Variants in DIXDC1 observed in about 807,000 individuals in gnomAD.
The protein encoded by DIXDC1 is dixin.
DIXDC1 carries 64 observed loss-of-function variants against 103.1 expected under a neutral mutation model. That is an observed-to-expected ratio of 0.62 (90% CI 0.51 to 0.76). The LOEUF (loss-of-function observed/expected upper bound fraction) is 0.76, where lower values mean the gene tolerates loss of function less well. DIXDC1 is among the 30% of genes least tolerant of loss of function. The pLI is 0.00. For missense variants in DIXDC1, 759 were observed against 834.2 expected (o/e 0.91, Z 1.11); for synonymous variants, 266 against 298.5 (o/e 0.89, Z 1.12).
chr11:111,989,889 T>C (rs1394035789), intron 10 of DIXDC1, among the ~76,000 whole-genome samples: 34 of 134,830 alleles, frequency 2.5e-4, no homozygotes, highest in Non-Finnish European at 3.8e-4. Flanking sequence ...CCTGGGTTCA[T>C]GCCATTCTCC....
intron 2 of DIXDC1, among the ~76,000 whole-genome samples, chr11:111,966,214 T>G (rs1284464432): frequency 5.1e-4 from 65 of 128,604 alleles, no homozygotes; most frequent in Middle Eastern, 3.8e-3. Flanking sequence ...GGGGTTTTTT[T>G]TTTTTTTTTT....
intron 1 of DIXDC1, among the ~76,000 whole-genome samples, chr11:111,960,407 A>AGTAG (rs1555170984): frequency 3.3e-5 from 5 of 150,952 alleles, no homozygotes; most frequent in Non-Finnish European, 5.9e-5. Flanking sequence ...CAGCCTGGCT[A>AGTAG]ACATGGTGAA....
At chr11:111,940,742 T>G (rs886637518) in intron 1 of DIXDC1, among the ~76,000 whole-genome samples, 1 of 152,126 alleles carries the variant, frequency 6.6e-6, no homozygotes, top group Non-Finnish European at 1.5e-5. Flanking sequence ...TAGGGAGAGA[T>G]AGGGTGTACT....
At chr11:111,960,331 C>T (rs1439723654) in intron 1 of DIXDC1, among the ~76,000 whole-genome samples, 1 of 151,748 alleles carries the variant, frequency 6.6e-6, no homozygotes, top group Non-Finnish European at 1.5e-5. Flanking sequence ...CGCAGTGGCT[C>T]ACGCCTGTAA....
chr11:111,975,209 C>A (rs3809033), intron 5 of DIXDC1: 477,719 of 1,331,056 alleles, frequency 0.36, 88,485 homozygotes, highest in East Asian at 0.57. Context: ...TCTGTGCAGT[C>A]CCAGTGCCAG....
chr11:111,973,901 A>T (rs1275460336), intron 3 of DIXDC1, 122 bp from the exon 4 acceptor site: 2 of 843,584 alleles, frequency 2.4e-6, no homozygotes, highest in East Asian at 5.3e-5. Flanking sequence ...GAGGACTGAG[A>T]CCCTGACTGC....
intron 1 of DIXDC1, among the ~76,000 whole-genome samples, chr11:111,939,063 G>GT (rs1555168553): frequency 6.6e-6 from 1 of 152,192 alleles, no homozygotes; most frequent in East Asian, 1.9e-4. Flanking sequence ...CTTTAGCTGC[G>GT]TAAGTCTGAC....
intron 17 of DIXDC1, among the ~76,000 whole-genome samples, chr11:112,010,442 G>GA (rs1220808532): frequency 3.3e-5 from 5 of 152,200 alleles, no homozygotes; most frequent in African/African-American, 1.2e-4. Flanking sequence ...CACAGAATTG[G>GA]AAAAAACTAC....
intron 1 of DIXDC1, among the ~76,000 whole-genome samples, chr11:111,951,370 C>T (rs587768635): frequency 6.6e-6 from 1 of 152,178 alleles, no homozygotes; most frequent in East Asian, 1.9e-4. Flanking sequence ...TATTTCAGAG[C>T]ATTGACAATG....
Position 111,993,786 on chromosome 11 carries a change from G to A in DIXDC1, c.1437+46G>A, listed in dbSNP as rs184185319. On this transcript the variant is annotated intron_variant, in intron 14 of 19. Transcript: ENST00000440460. ...TCCCTCCCACATTTATGAAGCAAAC[G>A]GGGAGATTGTGTTTCTGACTCAGAG... The A allele has an allele frequency of 9.4e-6, 15 of 1,598,586 alleles. No homozygotes were observed. The East Asian group carries it at 1.1e-4, about 12-fold the overall frequency.
In DIXDC1 at chr11:111,977,778, G is replaced by T; in HGVS notation, c.656+2795G>T. ...CCGAGACAGGAGGGGGACCATGGGA[G>T]GGACGCAAGTCAAATGGTGAGCTGA... On this transcript the variant is annotated intron_variant, in intron 5 of 19. Transcript: ENST00000440460. This position sits in a 1 kb window ranked among gnomAD's most constrained non-coding sequence, Gnocchi z 6.1. The T allele has an allele frequency of 6.4e-7, 1 of 1,565,868 alleles. No individual in the cohort carries two copies. Among genetic ancestry groups the T allele is most frequent in the African/African-American group, 1.4e-5 (1 of 73,124 alleles).
At chr11:111,952,564 T>A (rs767319964) in intron 1 of DIXDC1, among the ~76,000 whole-genome samples, 32 of 152,106 alleles carry the variant, frequency 2.1e-4, no homozygotes, top group Non-Finnish European at 4.6e-4. Context: ...GGCTCACACC[T>A]GTAATCCCAG....
chr11:111,973,297 G>T (rs1215782271), intron 3 of DIXDC1, among the ~76,000 whole-genome samples: 10 of 150,312 alleles, frequency 6.7e-5, no homozygotes, highest in Non-Finnish European at 5.9e-5. Context: ...GCTTGAACCT[G>T]GGAGGTAGAG....
intron 4 of DIXDC1, 149 bp downstream of exon 4, chr11:111,974,403 C>A: frequency 1.4e-6 from 1 of 709,694 alleles, no homozygotes; most frequent in Non-Finnish European, 2.3e-6. Flanking sequence ...AGGGCACTCT[C>A]AAAAGAGAAA....
At chr11:111,942,114 C>T (rs1966440022) in intron 1 of DIXDC1, among the ~76,000 whole-genome samples, 1 of 152,224 alleles carries the variant, frequency 6.6e-6, no homozygotes, top group African/African-American at 2.4e-5. Context: ...ATTCCCCAAC[C>T]TTCTTTTTTC....
At chr11:111,971,842 T>C (rs1340127962) in intron 3 of DIXDC1, among the ~76,000 whole-genome samples, 1 of 152,162 alleles carries the variant, frequency 6.6e-6, no homozygotes, top group African/African-American at 2.4e-5. Flanking sequence ...TGGAGACCAT[T>C]ATCCTAAGCA....
intron 17 of DIXDC1, among the ~76,000 whole-genome samples, chr11:112,004,422 A>G (rs1861171424): frequency 6.6e-6 from 1 of 152,162 alleles, no homozygotes; most frequent in Non-Finnish European, 1.5e-5. Flanking sequence ...AAGACCCATT[A>G]CAGCTAGTGG....
chr11:111,989,496 C>G (rs1306382970), intron 10 of DIXDC1, among the ~76,000 whole-genome samples: 2 of 151,418 alleles, frequency 1.3e-5, no homozygotes, highest in African/African-American at 2.4e-5. Context: ...TGGTGGCAGG[C>G]ACCTGTAATC....
At position 111,977,603 on chromosome 11, in the gene DIXDC1, G is replaced by A. The variant is rs2137541761; in HGVS notation, c.656+2620G>A. 4 of 1,516,966 alleles carry A rather than the reference G, an allele frequency of 2.6e-6. No individual in the cohort carries two copies. Among genetic ancestry groups the A allele is most frequent in the Non-Finnish European group, 3.5e-6 (4 of 1,131,852 alleles). The allele number at this position is 1,516,966 out of a possible 1,614,324, so 94.0% of individuals were successfully genotyped here. A position where few individuals can be genotyped will look rare whatever the true frequency, so the allele number is the denominator to read the frequency against. ...AGACGCCGCCGCCGCCGCCGTTCCCGCTTTCTCCCGCGAGCCGGGCCAGTA... is the reference window on the plus strand; with the variant it reads ...AGACGCCGCCGCCGCCGCCGTTCCCACTTTCTCCCGCGAGCCGGGCCAGTA... On this transcript the variant is annotated intron_variant, in intron 5 of 19. Coordinates refer to ENST00000440460, the MANE Select transcript of DIXDC1 (RefSeq NM_001037954.4). The surrounding 1 kb of genome is among the most constrained non-coding windows in gnomAD (Gnocchi z 6.1).
Sources: gnomAD v4.1 joint callset for allele counts (sites outside exome capture counted in the v4.1 genomes callset) on GRCh38, gnomAD v4.1.1 for gene constraint, Gnocchi (gnomAD v3.1) non-coding constraint, MANE v1.5 for transcripts, NCBI Gene and HGNC (gene_info 2026-07-23, HGNC 2026-07-21) for gene names.